Variants in RAG1 observed in about 807,000 individuals in gnomAD.
RAG1 encodes the protein V(D)J recombination-activating protein 1.
A neutral mutation model predicts 62.7 loss-of-function variants in RAG1; 35 were observed. That is an observed-to-expected ratio of 0.56 (90% CI 0.43 to 0.74). The LOEUF is 0.74. Ranked by LOEUF, RAG1 falls within the 30% of genes least tolerant of loss-of-function variation. The probability of loss-of-function intolerance (pLI) is 0.00; values close to 1 mark genes in which losing one functional copy is unlikely to be tolerated. For synonymous variants in RAG1, 461 were observed against 470.3 expected, an observed-to-expected ratio of 0.98 and a Z score of 0.26; for missense variants, 1,169 against 1,278.6, an observed-to-expected ratio of 0.91 and a Z score of 1.31.
chr11:36,558,132 A>G (rs1248137834), intron 3 of RAG1, among the ~76,000 whole-genome samples: 2 of 152,210 alleles, frequency 1.3e-5, no homozygotes, highest in African/African-American at 2.4e-5. Flanking sequence ...GTGGTCAGAA[A>G]AGATACTTGA....
chr11:36,564,735 T>C (rs746449984), upstream of RAG1, among the ~76,000 whole-genome samples: 7 of 152,108 alleles, frequency 4.6e-5, no homozygotes, highest in Non-Finnish European at 8.8e-5. Context: ...ACAGAGAAAG[T>C]GGGGGAGAAA....
intron 1 of RAG1, among the ~76,000 whole-genome samples, chr11:36,568,527 C>G (rs1850691930): frequency 6.6e-6 from 1 of 152,130 alleles, no homozygotes; most frequent in Non-Finnish European, 1.5e-5. Context: ...ACAAGTATTG[C>G]CAGGCATTTC....
chr11:36,574,087 T>A lies in RAG1; in HGVS notation c.783T>A (p.Asp261Glu), dbSNP rs750759391. Residue 261 changes from aspartate to glutamate, a missense_variant, in exon 2 of 2, where the codon GAT becomes GAA. By Grantham distance (45) the Asp-to-Glu change is conservative. Coordinates refer to ENST00000299440, the MANE Select transcript of RAG1 (RefSeq NM_000448.3). ...CTCAGGCAAGGATCAGCAGCAAGGA[T>A]GTCATGAAGAAGATCGCCAACTGCA... ...RRAQARISSK[D>E]VMKKIANCSK... 1 of 1,614,170 alleles carries A rather than the reference T, an allele frequency of 6.2e-7. No individual in the cohort carries two copies. Among genetic ancestry groups the A allele is most frequent in the Non-Finnish European group, 8.5e-7 (1 of 1,180,040 alleles).
At chr11:36,563,588 C>T (rs1273197694), upstream of RAG1, 1 of 148,200 alleles carries the variant, frequency 6.7e-6, no homozygotes. Context: ...TTCCATCTCT[C>T]TCCAGAAGCA....
intron 2 of RAG1, among the ~76,000 whole-genome samples, chr11:36,525,573 T>C (rs1860147367): frequency 6.6e-6 from 1 of 152,196 alleles, no homozygotes; most frequent in Non-Finnish European, 1.5e-5. Context: ...TCTTTCATCA[T>C]CATTTTGTTG....
rs190535803 is a variant in RAG1 at position 36,559,364 on chromosome 11, A to T, written c.-411-4021A>T. On this transcript the variant is annotated intron_variant and NMD_transcript_variant, in intron 3 of 9. Transcript: ENST00000534663. ...TTCAGAGAGAATCTTTTGAAGTTGAATCTGTTTACGGGCATTTGAGGTTCT... is the reference window on the plus strand; with the variant it reads ...TTCAGAGAGAATCTTTTGAAGTTGATTCTGTTTACGGGCATTTGAGGTTCT... 2.4e-3 allele frequency among the ~76,000 whole-genome samples: 364 copies of T among 152,260 alleles called. 1 individual carries two copies. Among genetic ancestry groups the T allele is most frequent in the African/African-American group, 8.5e-3 (352 of 41,570 alleles).
chr11:36,518,744 C>A (rs537353540), intron 1 of RAG1, among the ~76,000 whole-genome samples: 1 of 152,080 alleles, frequency 6.6e-6, no homozygotes, highest in South Asian at 2.1e-4. Flanking sequence ...GGATATTAGC[C>A]CTTTGTCAGA....
At chr11:36,549,423 A>C (rs752795565) in intron 3 of RAG1, among the ~76,000 whole-genome samples, 2 of 152,254 alleles carry the variant, frequency 1.3e-5, no homozygotes, top group Non-Finnish European at 2.9e-5. Context: ...AAACAACTTT[A>C]AAAGAAAAAT....
intron 1 of RAG1, among the ~76,000 whole-genome samples, chr11:36,570,012 C>T (rs568264435): frequency 2.6e-5 from 4 of 152,244 alleles, no homozygotes; most frequent in East Asian, 1.9e-4. Flanking sequence ...CATGGTTTTC[C>T]ACTGTATGTC....
At chr11:36,547,795 T>C (rs1374224801) in intron 3 of RAG1, among the ~76,000 whole-genome samples, 2 of 152,146 alleles carry the variant, frequency 1.3e-5, no homozygotes, top group Admixed American at 1.3e-4. Context: ...ATCATTCTGA[T>C]ACCAAAACCT....
chr11:36,574,054 G>A lies in RAG1; in HGVS notation c.750G>A (p.Lys250=), dbSNP rs1295860140. Residue 250 remains lysine (K), a synonymous_variant, in exon 2 of 2, where the codon AAG becomes AAA. Coordinates refer to ENST00000299440, the MANE Select transcript of RAG1 (RefSeq NM_000448.3). ...LDQARQARQH[K]RRAQARISSK... is the part of the protein sequence containing the mutation. ...AAGCAAGACAAGCCCGTCAGCACAA[G>A]AGAAGAGCTCAGGCAAGGATCAGCA... 2.5e-6 allele frequency: 4 copies of A among 1,614,072 alleles called. No individual in the cohort carries two copies. Among genetic ancestry groups the A allele is most frequent in the Non-Finnish European group, 3.4e-6 (4 of 1,180,048 alleles).
intron 3 of RAG1, among the ~76,000 whole-genome samples, chr11:36,541,671 T>C (rs1455522549): frequency 6.6e-6 from 1 of 152,052 alleles, no homozygotes; most frequent in Non-Finnish European, 1.5e-5. Flanking sequence ...GTCTCTCCCT[T>C]CTCCCTGTTG....
At chr11:36,564,453 C>A (rs1000963755), upstream of RAG1, among the ~76,000 whole-genome samples, 1 of 152,196 alleles carries the variant, frequency 6.6e-6, no homozygotes, top group Non-Finnish European at 1.5e-5. Context: ...GAAGCAAATA[C>A]ATGATTTCTT....
intron 1 of RAG1, among the ~76,000 whole-genome samples, chr11:36,570,003 A>T (rs1850716528): frequency 6.6e-6 from 1 of 152,158 alleles, no homozygotes; most frequent in South Asian, 2.1e-4. Flanking sequence ...AATTTTCTGC[A>T]TGGTTTTCCA....
At chr11:36,545,649 G>C (rs568009510) in intron 3 of RAG1, among the ~76,000 whole-genome samples, 5 of 152,066 alleles carry the variant, frequency 3.3e-5, no homozygotes, top group Non-Finnish European at 7.4e-5. Flanking sequence ...ATACAAGTTG[G>C]ATCACTTTGT....
chr11:36,550,969 C>A (rs1850472931), intron 3 of RAG1, among the ~76,000 whole-genome samples: 2 of 152,044 alleles, frequency 1.3e-5, no homozygotes, highest in African/African-American at 4.8e-5. Context: ...GGAGGCAGGG[C>A]CAGATGACTG....
At position 36,574,440 on chromosome 11, in the gene RAG1, AC is replaced by A. The variant is rs756384834; in HGVS notation, c.1137del (p.His379GlnfsTer24). 2 of 1,614,234 alleles carry A rather than the reference AC, an allele frequency of 1.2e-6. No individual in the cohort carries two copies. Among genetic ancestry groups the A allele is most frequent in the East Asian group, 4.5e-5 (2 of 44,888 alleles). On this transcript the variant is annotated frameshift_variant, in exon 2 of 2. Coordinates refer to ENST00000299440, the MANE Select transcript of RAG1 (RefSeq NM_000448.3). LOFTEE classifies it high-confidence loss of function. Reference sequence around the variant, plus strand: ...AAATATAATCACCACATCTCAAGTCACAAGGAATCAAAAGAGATTTTTGTGC... The same window carrying A: ...AAATATAATCACCACATCTCAAGTCAAAGGAATCAAAAGAGATTTTTGTGC... ...LEKYNHHISSHKESKEIFVHI... is the reference protein window; with the variant it reads ...LEKYNHHISSXKESKEIFVHI...
downstream of RAG1, among the ~76,000 whole-genome samples, chr11:36,539,916 G>A (rs907675876): frequency 1.3e-5 from 2 of 152,132 alleles, no homozygotes; most frequent in African/African-American, 4.8e-5. Context: ...ATTTCTTTTA[G>A]TTTCTGTCAT....
At chr11:36,538,708 C>T (rs1344791450), downstream of RAG1, among the ~76,000 whole-genome samples, 1 of 152,124 alleles carries the variant, frequency 6.6e-6, no homozygotes, top group Non-Finnish European at 1.5e-5. Context: ...TGCAGTGATG[C>T]GTGGCTGAAA....
Sources: allele counts gnomAD v4.1 joint callset (sites outside exome capture counted in the v4.1 genomes callset), GRCh38; gene constraint gnomAD v4.1.1; transcripts MANE v1.5; gene names NCBI Gene and HGNC (gene_info 2026-07-23, HGNC 2026-07-21).